The following COL25A1 variants were observed in gnomAD, a reference collection of about 807,000 sequenced individuals.
COL25A1 encodes collagen type XXV alpha 1 chain.
Under a neutral mutation model 128.4 loss-of-function variants are expected in COL25A1, and 103 were observed. The observed-to-expected ratio is 0.80, with a 90% CI of 0.68 to 0.94. The LOEUF (loss-of-function observed/expected upper bound fraction) is 0.94, where lower values mean the gene tolerates loss of function less well. COL25A1 is among the 40% of genes least tolerant of loss of function. The pLI is 0.00. For synonymous variants in COL25A1, 279 were observed against 277.2 expected (o/e 1.01, Z -0.06); for missense variants, 745 against 840.0 (o/e 0.89, Z 1.40).
At chr4:109,277,314 T>C (rs1386574831) in intron 3 of COL25A1, among the ~76,000 whole-genome samples, 1 of 152,148 alleles carries the variant, frequency 6.6e-6, no homozygotes, top group African/African-American at 2.4e-5. Flanking sequence ...GTGTATAAAG[T>C]CCATTATTAT....
Position 108,917,253 on chromosome 4 carries a change from G to A in COL25A1, c.780+919C>T, listed in dbSNP as rs138570187. 8.7e-3 allele frequency among the ~76,000 whole-genome samples: 1,328 copies of A among 152,238 alleles called. 23 individuals carry two copies. The highest frequency in any genetic ancestry group is 0.029 in the African/African-American group (1,223 of 41,542). ...GATAGAAAGAAAAGATGGACTCAAT[G>A]GAAAAGGACACAAGGAGTATTTATT... is the stretch of plus-strand genomic sequence containing the variant. On this transcript the variant is annotated intron_variant, in intron 13 of 37. Coordinates refer to ENST00000399132, the MANE Select transcript of COL25A1 (RefSeq NM_198721.4).
intron 13 of COL25A1, among the ~76,000 whole-genome samples, chr4:108,905,950 A>T (rs1242870669): frequency 1.3e-5 from 2 of 152,028 alleles, no homozygotes; most frequent in Non-Finnish European, 2.9e-5. Flanking sequence ...TCTTGTGTGT[A>T]ACATGGCACA....
intron 3 of COL25A1, among the ~76,000 whole-genome samples, chr4:109,085,175 C>T (rs1193539129): frequency 6.6e-6 from 1 of 152,122 alleles, no homozygotes; most frequent in Non-Finnish European, 1.5e-5. Context: ...GCAGCTGGGG[C>T]TCCATCACCA....
intron 3 of COL25A1, among the ~76,000 whole-genome samples, chr4:109,094,143 A>G (rs1468303391): frequency 6.6e-6 from 1 of 152,252 alleles, no homozygotes; most frequent in Non-Finnish European, 1.5e-5. Context: ...TTCTACATAT[A>G]TGAAATATCC....
At chr4:109,295,128 C>T (rs1177670179) in intron 3 of COL25A1, among the ~76,000 whole-genome samples, 1 of 151,720 alleles carries the variant, frequency 6.6e-6, no homozygotes, top group Admixed American at 6.6e-5. Flanking sequence ...TAAGTAATTC[C>T]CAGCTCATGA....
At chr4:109,031,331 T>C (rs1167006627) in intron 5 of COL25A1, among the ~76,000 whole-genome samples, 1 of 151,658 alleles carries the variant, frequency 6.6e-6, no homozygotes, top group Non-Finnish European at 1.5e-5. Context: ...TTAGCCAGGA[T>C]GGTCTCGATC....
At chr4:109,066,855 A>C (rs1161692590) in intron 3 of COL25A1, among the ~76,000 whole-genome samples, 1 of 152,072 alleles carries the variant, frequency 6.6e-6, no homozygotes, top group Non-Finnish European at 1.5e-5. Context: ...CTTTTAGTAG[A>C]GATGGGGTCT....
intron 6 of COL25A1, among the ~76,000 whole-genome samples, chr4:108,985,513 T>C (rs554149016): frequency 6.6e-6 from 1 of 152,322 alleles, no homozygotes; most frequent in East Asian, 1.9e-4. Flanking sequence ...ATTTTTACGG[T>C]CTGTTTTGGG....
chr4:109,218,356 G>GTTTTTTTTTTTTTTTTTTTTTT (rs796441649), intron 3 of COL25A1, among the ~76,000 whole-genome samples: 7 of 100,470 alleles, frequency 7.0e-5, no homozygotes, highest in South Asian at 3.6e-4. Flanking sequence ...GGTTTTTTGG[G>GTTTTTTTTTTTTTTTTTTTTTT]GTTTTTTTTT....
At chr4:109,030,009 G>A (rs559805942) in intron 5 of COL25A1, among the ~76,000 whole-genome samples, 2 of 152,146 alleles carry the variant, frequency 1.3e-5, no homozygotes, top group African/African-American at 2.4e-5. Context: ...TACCTGCTAC[G>A]GACGTTAATA....
intron 3 of COL25A1, among the ~76,000 whole-genome samples, chr4:109,287,706 A>G (rs1223654760): frequency 6.6e-6 from 1 of 152,150 alleles, no homozygotes; most frequent in Non-Finnish European, 1.5e-5. Flanking sequence ...CAAGGCCATC[A>G]TCTAGCTTCA....
intron 3 of COL25A1, among the ~76,000 whole-genome samples, chr4:109,215,896 TA>T (rs1465027660): frequency 1.3e-5 from 2 of 152,122 alleles, no homozygotes; most frequent in African/African-American, 4.8e-5. Context: ...TCTGACTTAA[TA>T]AATTATTTAT....
At position 108,844,528 on chromosome 4, in the gene COL25A1, AGGTGGGCCATGGGGACCT is replaced by A. The variant is rs749915570; in HGVS notation, c.1602_1619del (p.His537_Pro542del). 20 of 1,614,054 alleles carry A rather than the reference AGGTGGGCCATGGGGACCT, an allele frequency of 1.2e-5. No homozygotes were observed. The highest frequency in any genetic ancestry group is 1.4e-5 in the Non-Finnish European group (17 of 1,179,902). On this transcript the variant is annotated inframe_deletion, in exon 30 of 38. Transcript: ENST00000399132. Reference sequence around the variant, plus strand: ...AAGAAGGGAAACTTACCATGGGGCCAGGTGGGCCATGGGGACCTGGTGGGCCTGGTGGGCCTATGATCT... The same window carrying A: ...AAGAAGGGAAACTTACCATGGGGCCAGGTGGGCCTGGTGGGCCTATGATCT...
rs192320973 is a variant in COL25A1 at position 109,048,574 on chromosome 4, A to G, written c.413-399T>C. 4.9e-4 allele frequency among the ~76,000 whole-genome samples: 74 copies of G among 152,308 alleles called. No individual in the cohort carries two copies. In the East Asian group the frequency reaches 0.013, roughly 27 times the overall value. On this transcript the variant is annotated intron_variant, in intron 4 of 37. Coordinates refer to ENST00000399132, the MANE Select transcript of COL25A1 (RefSeq NM_198721.4). ...TTTCTTGAGTTTGATAAAACAGCCA[A>G]ATGAGAAATGTACCAATTATTTGTC...
intron 3 of COL25A1, among the ~76,000 whole-genome samples, chr4:109,227,492 A>C (rs1778883239): frequency 6.6e-6 from 1 of 152,196 alleles, no homozygotes; most frequent in Non-Finnish European, 1.5e-5. Context: ...TTGTATTTGG[A>C]AAGTGGTTAT....
chr4:108,956,560 G>A (rs552149889), intron 8 of COL25A1, among the ~76,000 whole-genome samples: 1 of 152,060 alleles, frequency 6.6e-6, no homozygotes, highest in South Asian at 2.1e-4. Context: ...TGCGTGCCAC[G>A]GCACCCAGCT....
intron 31 of COL25A1, 196 bp from the exon 32 acceptor site, chr4:108,832,629 C>G: frequency 2.1e-6 from 1 of 481,078 alleles, no homozygotes; most frequent in South Asian, 4.3e-5. Flanking sequence ...AAGTATATAA[C>G]TGCATGTTTC....
At chr4:108,825,485 T>TA (rs1253599108) in intron 33 of COL25A1, among the ~76,000 whole-genome samples, 10 of 152,116 alleles carry the variant, frequency 6.6e-5, no homozygotes, top group African/African-American at 2.4e-4. Flanking sequence ...GGAGTTAAAT[T>TA]AAAAGTAAAA....
At chr4:109,061,525 G>A (rs552955951) in intron 3 of COL25A1, among the ~76,000 whole-genome samples, 3 of 152,188 alleles carry the variant, frequency 2.0e-5, no homozygotes, top group Non-Finnish European at 2.9e-5. Flanking sequence ...ATTTGGAAAT[G>A]TCATGCATAT....
Sources: gnomAD v4.1 joint callset for allele counts (sites outside exome capture counted in the v4.1 genomes callset) on GRCh38, gnomAD v4.1.1 for gene constraint, MANE v1.5 for transcripts, NCBI Gene and HGNC (gene_info 2026-07-23, HGNC 2026-07-21) for gene names.